The following CCDC146 variants were observed in gnomAD, a reference collection of about 807,000 sequenced individuals.
CCDC146 encodes the protein coiled-coil domain-containing protein 146.
CCDC146 carries 92 observed loss-of-function variants against 119.3 expected under a neutral mutation model. The observed-to-expected ratio is 0.77, with a 90% CI of 0.65 to 0.92. CCDC146 has a LOEUF of 0.92. Among genes scored for constraint, CCDC146 ranks in the 40% least tolerant of loss-of-function variants. The probability of loss-of-function intolerance (pLI) is 0.00; values close to 1 mark genes in which losing one functional copy is unlikely to be tolerated. For synonymous variants in CCDC146, 372 were observed against 371.8 expected, an observed-to-expected ratio of 1.00 and a Z score of -0.01; for missense variants, 1,000 against 1,103.0, an observed-to-expected ratio of 0.91 and a Z score of 1.32.
chr7:77,196,765 G>C lies in CCDC146; in HGVS notation c.156+28941G>C. 6.2e-7 allele frequency: 1 copy of C among 1,614,124 alleles called. No individual in the cohort carries two copies. The highest frequency in any genetic ancestry group is 8.5e-7 in the Non-Finnish European group (1 of 1,180,010). On this transcript the variant is annotated intron_variant, in intron 2 of 18. Transcript: ENST00000285871. The surrounding 1 kb of genome is among the most constrained non-coding windows in gnomAD (Gnocchi z 4.2). The stretch of plus-strand genomic sequence containing the variant: ...CGTTCCCCAGCCAAAATTCCCTTCT[G>C]AGGTTTCCAAAGCCTGCTTTGTAGT...
intron 2 of CCDC146, chr7:77,198,272 T>C: frequency 1.0e-6 from 1 of 985,416 alleles, no homozygotes; most frequent in Non-Finnish European, 1.2e-6. Flanking sequence ...ATACTGTCTC[T>C]AAATGAAAGT....
At chr7:77,153,499 T>A in intron 1 of CCDC146, among the ~76,000 whole-genome samples, 1 of 149,552 alleles carries the variant, frequency 6.7e-6, no homozygotes, top group Non-Finnish European at 1.5e-5. Context: ...GAACAAACAT[T>A]TCACCAACCC....
chr7:77,241,618 A>T lies in CCDC146; in HGVS notation c.240-73A>T, dbSNP rs1012261147. 4 of 1,307,962 alleles carry T rather than the reference A, an allele frequency of 3.1e-6. No individual in the cohort carries two copies. In the African/African-American group the frequency reaches 5.8e-5, roughly 19 times the overall value. 81.0% of individuals were successfully genotyped at this position (1,307,962 alleles called of 1,614,324 possible). A position where few individuals can be genotyped will look rare whatever the true frequency, so the allele number is the denominator to read the frequency against. On this transcript the variant is annotated intron_variant, in intron 3 of 18. Coordinates refer to ENST00000285871, the MANE Select transcript of CCDC146 (RefSeq NM_020879.3). Reference sequence around the variant, plus strand: ...TGAGGAGTGGGGAGCAGCTATCCTCACTAGACCCCCACAGGAGCCACCGAG... The same window carrying T: ...TGAGGAGTGGGGAGCAGCTATCCTCTCTAGACCCCCACAGGAGCCACCGAG...
intron 2 of CCDC146, among the ~76,000 whole-genome samples, chr7:77,218,888 G>A (rs1792348681): frequency 1.3e-5 from 2 of 151,770 alleles, no homozygotes; most frequent in South Asian, 2.1e-4. Context: ...TTTGAGTGTT[G>A]CCAATGAATT....
chr7:77,169,079 C>A (rs1212577344), intron 2 of CCDC146, among the ~76,000 whole-genome samples: 1 of 152,012 alleles, frequency 6.6e-6, no homozygotes, highest in Non-Finnish European at 1.5e-5. Flanking sequence ...TCTTTAGTCT[C>A]CTTTAATCTA....
chr7:77,253,266 T>A (rs1186689374), intron 4 of CCDC146, among the ~76,000 whole-genome samples: 9 of 152,248 alleles, frequency 5.9e-5, no homozygotes, highest in Admixed American at 5.2e-4. Flanking sequence ...TATGTATCCA[T>A]GTCCCTATCA....
chr7:77,182,751 A>T (rs1281636617), intron 2 of CCDC146, among the ~76,000 whole-genome samples: 3 of 152,108 alleles, frequency 2.0e-5, no homozygotes, highest in Non-Finnish European at 4.4e-5. Context: ...CCAAGATCAG[A>T]CCTCTGTACT....
chr7:77,262,052 A>C, intron 8 of CCDC146, 69 bp from the exon 9 acceptor site: 1 of 1,291,684 alleles, frequency 7.7e-7, no homozygotes. Context: ...CTGTCTTGAT[A>C]AGTTTTGAAA....
chr7:77,278,283 C>T lies in CCDC146; in HGVS notation c.1441-469C>T, dbSNP rs531695905. On this transcript the variant is annotated intron_variant, in intron 11 of 18. Coordinates refer to ENST00000285871, the MANE Select transcript of CCDC146 (RefSeq NM_020879.3). ...TCCTCAAACCCAAGCCATGCAGGCT[C>T]TTTGCGTTTTCTCTTCTCTCGTTTG... Among the ~76,000 whole-genome samples, 9 of 152,274 alleles carry T rather than the reference C, an allele frequency of 5.9e-5. No homozygotes were observed. The South Asian group carries it at 1.0e-3, about 18-fold the overall frequency.
intron 4 of CCDC146, among the ~76,000 whole-genome samples, chr7:77,245,083 A>G (rs890567653): frequency 6.6e-6 from 1 of 152,226 alleles, no homozygotes; most frequent in Non-Finnish European, 1.5e-5. Flanking sequence ...TTTTTTGTGT[A>G]TGTTCACATA....
At chr7:77,142,264 A>T (rs2117420121) in intron 1 of CCDC146, among the ~76,000 whole-genome samples, 1 of 152,250 alleles carries the variant, frequency 6.6e-6, no homozygotes, top group South Asian at 2.1e-4. Flanking sequence ...ATAGGGAGAC[A>T]GGGAGTCAAA....
intron 2 of CCDC146, among the ~76,000 whole-genome samples, chr7:77,208,855 A>G (rs1015023531): frequency 6.6e-6 from 1 of 152,172 alleles, no homozygotes; most frequent in Non-Finnish European, 1.5e-5. Flanking sequence ...CTGCAGGCAT[A>G]TGCTACCATG....
At chr7:77,284,948 C>T (rs1318361799) in intron 15 of CCDC146, among the ~76,000 whole-genome samples, 1 of 151,894 alleles carries the variant, frequency 6.6e-6, no homozygotes, top group Non-Finnish European at 1.5e-5. Context: ...CCGGTCATAT[C>T]CTGTCATTTT....
intron 17 of CCDC146, among the ~76,000 whole-genome samples, chr7:77,291,026 G>C (rs1161777886): frequency 6.6e-6 from 1 of 152,196 alleles, no homozygotes; most frequent in Admixed American, 6.5e-5. Context: ...TTTAATTTGG[G>C]GGGGTGCCTC....
At chr7:77,161,558 A>G (rs1791261923) in intron 1 of CCDC146, among the ~76,000 whole-genome samples, 1 of 147,564 alleles carries the variant, frequency 6.8e-6, no homozygotes, top group Non-Finnish European at 1.5e-5. Flanking sequence ...AACACCGCAT[A>G]TTCTCACTCA....
At chr7:77,212,847 C>T (rs1792214304) in intron 2 of CCDC146, among the ~76,000 whole-genome samples, 1 of 151,650 alleles carries the variant, frequency 6.6e-6, no homozygotes, top group South Asian at 2.1e-4. Flanking sequence ...GGCCATTTGT[C>T]CCATAAATTT....
rs763305655 is a variant in CCDC146, at chr7:77,196,366, A to C, written c.156+28542A>C. ...CACCAGGGTGTGCCTCACTTACACC[A>C]GGCCAGGTACCCCAGAAAATCCCAT... is the stretch of plus-strand genomic sequence containing the variant. On this transcript the variant is annotated intron_variant, in intron 2 of 18. Coordinates refer to ENST00000285871, the MANE Select transcript of CCDC146 (RefSeq NM_020879.3). This position sits in a 1 kb window ranked among gnomAD's most constrained non-coding sequence, Gnocchi z 4.2. 2 of 1,614,174 alleles carry C rather than the reference A, an allele frequency of 1.2e-6. No individual in the cohort carries two copies. Among genetic ancestry groups the C allele is most frequent in the Admixed American group, 3.3e-5 (2 of 60,022 alleles).
At chr7:77,170,037 C>T (rs1328205889) in intron 2 of CCDC146, among the ~76,000 whole-genome samples, 1 of 152,148 alleles carries the variant, frequency 6.6e-6, no homozygotes, top group Non-Finnish European at 1.5e-5. Flanking sequence ...AGATACAGGG[C>T]ATACATGTAC....
chr7:77,248,759 T>A (rs1793001916), intron 4 of CCDC146, among the ~76,000 whole-genome samples: 1 of 152,254 alleles, frequency 6.6e-6, no homozygotes, highest in Non-Finnish European at 1.5e-5. Flanking sequence ...TCATTTTGTT[T>A]AGAACATTCA....
Sources: gnomAD v4.1 joint callset for allele counts (sites outside exome capture counted in the v4.1 genomes callset) on GRCh38, gnomAD v4.1.1 for gene constraint, Gnocchi (gnomAD v3.1) non-coding constraint, MANE v1.5 for transcripts, NCBI Gene and HGNC (gene_info 2026-07-23, HGNC 2026-07-21) for gene names.